Variants in TDP1 observed in about 807,000 individuals in gnomAD.
TDP1 encodes tyr-DNA phosphodiesterase 1.
A neutral mutation model predicts 81.5 loss-of-function variants in TDP1; 64 were observed. The ratio of observed to expected loss-of-function variants is 0.79; its 90% CI spans 0.64 to 0.97. The LOEUF (loss-of-function observed/expected upper bound fraction) is 0.97. Among genes scored for constraint, TDP1 ranks in the 50% least tolerant of loss-of-function variants. The pLI is 0.00. For synonymous variants in TDP1, 256 were observed against 264.3 expected (o/e 0.97, Z 0.30); for missense variants, 723 against 743.8 (o/e 0.97, Z 0.33).
intron 6 of TDP1, among the ~76,000 whole-genome samples, chr14:89,974,317 G>T (rs73324579): frequency 0.31 from 47,729 of 152,116 alleles, 13,086 homozygotes; most frequent in African/African-American, 0.74. Context: ...TTTAGCAAAC[G>T]AAACAAAAGC....
chr14:90,017,371 T>C (rs1337575362), intron 14 of TDP1, among the ~76,000 whole-genome samples: 1 of 152,184 alleles, frequency 6.6e-6, no homozygotes, highest in Non-Finnish European at 1.5e-5. Context: ...GGAATGTTGA[T>C]TTATCACCTA....
rs1262007113 is a variant in TDP1 at position 89,980,548 on chromosome 14, T to TG, written c.801dup (p.Leu268AlafsTer5). 8.1e-6 allele frequency: 13 copies of TG among 1,613,816 alleles called. No individual in the cohort carries two copies. On this transcript the variant is annotated frameshift_variant, in exon 8 of 17. Coordinates refer to ENST00000335725, the MANE Select transcript of TDP1 (RefSeq NM_018319.4). LOFTEE classifies it high-confidence loss of function. ...CTTTGCTGTTTTTAAAGGAAAATGA[T>TG]GCTGCTGCTCTATGAAGAAGGCCTC...
rs978571423 is a variant in TDP1 at position 90,044,466 on chromosome 14, T to G, written c.*1323T>G. 13 of 152,184 alleles carry G rather than the reference T, an allele frequency of 8.5e-5. No individual in the cohort carries two copies. Among genetic ancestry groups the G allele is most frequent in the African/African-American group, 2.9e-4 (12 of 41,446 alleles). The allele number at this position is 152,184 out of a possible 1,614,324, so 9.4% of individuals were successfully genotyped here. On this transcript the variant is annotated 3_prime_UTR_variant, in exon 17 of 17. Coordinates refer to ENST00000335725, the MANE Select transcript of TDP1 (RefSeq NM_018319.4). The stretch of plus-strand genomic sequence containing the variant: ...CAGTTTGTCATCAACCTCTTTATCT[T>G]ATAATTTAGGATAGAGTTGAACGTT...
At chr14:90,030,177 T>A (rs571018702) in intron 15 of TDP1, among the ~76,000 whole-genome samples, 1 of 152,184 alleles carries the variant, frequency 6.6e-6, no homozygotes, top group South Asian at 2.1e-4. Flanking sequence ...TGGGGGCAGG[T>A]GCTGCCGAGC....
At chr14:89,991,467 C>T in intron 12 of TDP1, 1 of 745,244 alleles carries the variant, frequency 1.3e-6, no homozygotes. Context: ...TTATTCTCGA[C>T]ACAGAAGAAT....
chr14:90,000,197 G>A (rs1034651955), intron 14 of TDP1, among the ~76,000 whole-genome samples: 14 of 152,162 alleles, frequency 9.2e-5, no homozygotes, highest in African/African-American at 2.4e-4. Context: ...GCTTCTTGGA[G>A]ACCAGCAGGA....
intron 7 of TDP1, among the ~76,000 whole-genome samples, chr14:89,977,604 T>A (rs1016293212): frequency 1.4e-4 from 22 of 152,250 alleles, no homozygotes; most frequent in Admixed American, 6.5e-5. Context: ...AGCGTATTTT[T>A]AAAATGTTTT....
intron 15 of TDP1, among the ~76,000 whole-genome samples, chr14:90,020,369 TCCC>T (rs1885843262): frequency 7.4e-5 from 3 of 40,474 alleles, no homozygotes; most frequent in African/African-American, 2.4e-4. Context: ...CCTCCCTCCC[TCCC>T]TCCCTTCCTT....
intron 14 of TDP1, among the ~76,000 whole-genome samples, chr14:90,008,086 T>C (rs1285911829): frequency 6.6e-6 from 1 of 152,216 alleles, no homozygotes; most frequent in Non-Finnish European, 1.5e-5. Context: ...TTTATTTTTA[T>C]TTAGTCTCAG....
At chr14:89,986,633 G>A (rs1022229176) in intron 10 of TDP1, among the ~76,000 whole-genome samples, 40 of 152,364 alleles carry the variant, frequency 2.6e-4, no homozygotes, top group African/African-American at 9.6e-4. Context: ...GTGATTAGGT[G>A]CCTGTTTCCA....
Position 89,978,330 on chromosome 14 carries a change from C to A in TDP1, c.792-2210C>A, listed in dbSNP as rs145508161. Among the ~76,000 whole-genome samples the A allele has an allele frequency of 3.5e-3, 526 of 152,354 alleles. 6 individuals carry two copies. The highest frequency in any genetic ancestry group is 0.012 in the African/African-American group (514 of 41,590). ...GTTAAATGTCCAGCTGTAGATTCCA[C>A]AATTGTAGAATGAGAATAACTCCTC... On this transcript the variant is annotated intron_variant, in intron 7 of 16. Transcript: ENST00000335725.
chr14:89,985,256 A>G (rs776170328), intron 10 of TDP1, 46 bp downstream of exon 10: 1 of 1,096,840 alleles, frequency 9.1e-7, no homozygotes, highest in Non-Finnish European at 1.3e-6. Context: ...AATTTAATGT[A>G]TATTCTCTCT....
At chr14:89,998,454 A>ATG (rs1319792282) in intron 14 of TDP1, among the ~76,000 whole-genome samples, 1 of 140,388 alleles carries the variant, frequency 7.1e-6, no homozygotes, top group African/African-American at 2.8e-5. Flanking sequence ...ATGTATATGT[A>ATG]TATATATGTA....
chr14:90,011,435 T>C (rs1884692203), intron 14 of TDP1, among the ~76,000 whole-genome samples: 1 of 152,100 alleles, frequency 6.6e-6, no homozygotes, highest in Admixed American at 6.5e-5. Flanking sequence ...CCTAGAGACT[T>C]GGAGGGCTCA....
At chr14:90,005,132 A>G (rs1471887110) in intron 14 of TDP1, among the ~76,000 whole-genome samples, 2 of 152,202 alleles carry the variant, frequency 1.3e-5, no homozygotes, top group African/African-American at 4.8e-5. Flanking sequence ...ATTCAGTCTT[A>G]CTGGCCATGT....
chr14:90,032,350 T>A (rs554133253), intron 15 of TDP1, among the ~76,000 whole-genome samples: 2 of 152,126 alleles, frequency 1.3e-5, no homozygotes, highest in East Asian at 3.9e-4. Flanking sequence ...TGGATATGTG[T>A]GTGGATGGGT....
chr14:89,962,609 A>G (rs561061012), intron 2 of TDP1, among the ~76,000 whole-genome samples: 15 of 152,224 alleles, frequency 9.9e-5, no homozygotes, highest in African/African-American at 2.9e-4. Flanking sequence ...TATACTTGTA[A>G]TCCCAGCACT....
intron 14 of TDP1, among the ~76,000 whole-genome samples, chr14:89,997,739 C>A (rs1896764308): frequency 6.6e-6 from 1 of 152,128 alleles, no homozygotes; most frequent in African/African-American, 2.4e-5. Context: ...TTCAAGCCAT[C>A]CCTCCTGGGT....
At chr14:89,998,126 C>T (rs955564232) in intron 14 of TDP1, among the ~76,000 whole-genome samples, 9 of 151,796 alleles carry the variant, frequency 5.9e-5, no homozygotes, top group Non-Finnish European at 1.0e-4. Context: ...CCTATACTGT[C>T]TGTTAATATC....
Sources: gnomAD v4.1 joint callset for allele counts (sites outside exome capture counted in the v4.1 genomes callset) on GRCh38, gnomAD v4.1.1 for gene constraint, MANE v1.5 for transcripts, NCBI Gene and HGNC (gene_info 2026-07-23, HGNC 2026-07-21) for gene names.